The following SKA2 variants were observed in gnomAD, a reference collection of about 807,000 sequenced individuals.
SKA2 encodes spindle and kinetochore-associated protein 2.
SKA2 carries 13 observed loss-of-function variants against 16.9 expected under a neutral mutation model. That is an observed-to-expected ratio of 0.77 (90% CI 0.50 to 1.22). SKA2 has a LOEUF of 1.22. Among genes scored for constraint, SKA2 ranks in the 50% most tolerant of loss-of-function variants. The pLI is 0.00. For synonymous variants in SKA2, 47 were observed against 48.5 expected (o/e 0.97, Z 0.13); for missense variants, 107 against 139.7 (o/e 0.77, Z 1.18).
At chr17:59,137,049 G>C (rs9914887) in intron 1 of SKA2, among the ~76,000 whole-genome samples, 243 of 151,836 alleles carry the variant, frequency 1.6e-3, no homozygotes, top group African/African-American at 5.8e-3. Context: ...GTCTTGCTTT[G>C]TTGCCCAGGC....
intron 3 of SKA2, among the ~76,000 whole-genome samples, chr17:59,116,441 CTTT>C (rs2046296632): frequency 6.6e-6 from 1 of 151,272 alleles, no homozygotes; most frequent in Non-Finnish European, 1.5e-5. Context: ...TTTTTTTCTT[CTTT>C]TGTCAATGTC....
chr17:59,143,956 G>A (rs892173500), intron 1 of SKA2, among the ~76,000 whole-genome samples: 1 of 151,990 alleles, frequency 6.6e-6, no homozygotes, highest in African/African-American at 2.4e-5. Context: ...AAGAGATTGA[G>A]ACCATCCCGG....
At position 59,119,474 on chromosome 17, in the gene SKA2, T is replaced by C. The variant is rs745768798; in HGVS notation, c.142A>G (p.Lys48Glu). 3 of 1,613,782 alleles carry C rather than the reference T, an allele frequency of 1.9e-6. No homozygotes were observed. In the Admixed American group the frequency reaches 5.0e-5, roughly 27 times the overall value. Residue 48 changes from lysine (K) to glutamate (E), a missense_variant, in exon 3 of 4, where the codon AAG becomes GAG. Transcript: ENST00000330137. ...ASEKNPVTLLKELSVIKSRYQ... is the reference protein window; with the variant it reads ...ASEKNPVTLLEELSVIKSRYQ... ...CGAGACTTTATCACTGACAATTCCT[T>C]TAAGAGTGTAACTGGATTTTTCTAT...
intron 1 of SKA2, among the ~76,000 whole-genome samples, chr17:59,134,369 G>A (rs1450688352): frequency 6.6e-6 from 1 of 152,076 alleles, no homozygotes; most frequent in Non-Finnish European, 1.5e-5. Flanking sequence ...TTTAAAGCTT[G>A]TTTTAGTCAT....
chr17:59,142,764 T>A (rs930444103), intron 1 of SKA2, among the ~76,000 whole-genome samples: 3 of 151,412 alleles, frequency 2.0e-5, no homozygotes, highest in Non-Finnish European at 4.4e-5. Context: ...CCATCTCTAC[T>A]AAAAATACAA....
chr17:59,130,657 C>T (rs961013415), intron 2 of SKA2, among the ~76,000 whole-genome samples: 3 of 151,630 alleles, frequency 2.0e-5, no homozygotes, highest in Non-Finnish European at 4.4e-5. Flanking sequence ...ATTAATTAAG[C>T]CTGATACCTG....
At chr17:59,151,830 T>C (rs1405113645) in intron 1 of SKA2, 1 of 152,772 alleles carries the variant, frequency 6.5e-6, no homozygotes, top group African/African-American at 2.4e-5. Context: ...AGGGAATCAA[T>C]GTGCTCTAAA....
chr17:59,128,670 T>C (rs545135771), intron 2 of SKA2, among the ~76,000 whole-genome samples: 3 of 150,922 alleles, frequency 2.0e-5, no homozygotes, highest in Non-Finnish European at 4.4e-5. Context: ...AAGTTAGACA[T>C]GAAAGGTCAT....
At chr17:59,123,324 T>A (rs1451831989) in intron 2 of SKA2, among the ~76,000 whole-genome samples, 1 of 148,412 alleles carries the variant, frequency 6.7e-6, no homozygotes, top group Non-Finnish European at 1.5e-5. Context: ...TTTGGGAAGC[T>A]GAAGCGGGTG....
At chr17:59,129,982 G>A (rs919049924) in intron 2 of SKA2, among the ~76,000 whole-genome samples, 4 of 136,238 alleles carry the variant, frequency 2.9e-5, no homozygotes, top group Non-Finnish European at 6.3e-5. Flanking sequence ...GGAAGGGAGG[G>A]TAAGGGGAAG....
intron 2 of SKA2, among the ~76,000 whole-genome samples, chr17:59,126,635 T>A (rs528991071): frequency 3.3e-5 from 5 of 152,196 alleles, no homozygotes; most frequent in Non-Finnish European, 7.3e-5. Context: ...TATTCTCAAC[T>A]ATAACACACG....
At chr17:59,134,061 A>T (rs2046427959) in intron 1 of SKA2, among the ~76,000 whole-genome samples, 1 of 152,228 alleles carries the variant, frequency 6.6e-6, no homozygotes, top group African/African-American at 2.4e-5. Flanking sequence ...ACAACTCCTT[A>T]AAAATACTAA....
Position 59,119,299 on chromosome 17 carries a change from C to G in SKA2, c.297+20G>C. On this transcript the variant is annotated intron_variant, in intron 3 of 3. Coordinates refer to ENST00000330137, the MANE Select transcript of SKA2 (RefSeq NM_182620.4). The stretch of plus-strand genomic sequence containing the variant: ...AGAGCTAAAGCTAAACAAATCTAAC[C>G]TGTCAACTGAAAGCATTACCTCCAG... The G allele has an allele frequency of 6.2e-7, 1 of 1,611,654 alleles. No individual in the cohort carries two copies. Among genetic ancestry groups the G allele is most frequent in the Non-Finnish European group, 8.5e-7 (1 of 1,178,416 alleles).
intron 1 of SKA2, among the ~76,000 whole-genome samples, chr17:59,143,927 G>A (rs1031535865): frequency 3.3e-5 from 5 of 152,166 alleles, no homozygotes; most frequent in Non-Finnish European, 7.3e-5. Flanking sequence ...GGAGGCCGAA[G>A]CGGGCGGATC....
chr17:59,142,320 C>T (rs1229325990), intron 1 of SKA2, among the ~76,000 whole-genome samples: 10 of 133,032 alleles, frequency 7.5e-5, no homozygotes, highest in Non-Finnish European at 1.1e-4. Context: ...GATGGCGTTT[C>T]GCTCTTGTTG....
At chr17:59,133,428 T>G (rs1192483007) in intron 1 of SKA2, among the ~76,000 whole-genome samples, 1 of 152,184 alleles carries the variant, frequency 6.6e-6, no homozygotes, top group African/African-American at 2.4e-5. Context: ...TCCACAGGCA[T>G]GGTCTCCTAT....
intron 2 of SKA2, among the ~76,000 whole-genome samples, chr17:59,127,575 A>G (rs2046380409): frequency 6.6e-6 from 1 of 151,848 alleles, no homozygotes; most frequent in South Asian, 2.1e-4. Flanking sequence ...TTTAGTAGAG[A>G]CGGGTTTCAT....
At chr17:59,129,823 C>A (rs1012710682) in intron 2 of SKA2, among the ~76,000 whole-genome samples, 1 of 147,568 alleles carries the variant, frequency 6.8e-6, no homozygotes, top group Admixed American at 6.9e-5. Context: ...CCCCTGAACT[C>A]CAGCCTGGAT....
chr17:59,130,434 A>G (rs1318159890), intron 2 of SKA2, among the ~76,000 whole-genome samples: 1 of 147,414 alleles, frequency 6.8e-6, no homozygotes, highest in East Asian at 2.0e-4. Context: ...CAACATAGTG[A>G]AACTCCGTCT....
Sources: allele counts gnomAD v4.1 joint callset (sites outside exome capture counted in the v4.1 genomes callset), GRCh38; gene constraint gnomAD v4.1.1; transcripts MANE v1.5; gene names NCBI Gene and HGNC (gene_info 2026-07-23, HGNC 2026-07-21).